The following GNG7 variants were observed in gnomAD, a reference collection of about 807,000 sequenced individuals.
GNG7 encodes G protein subunit gamma 7.
A neutral mutation model predicts 4.0 loss-of-function variants in GNG7; 1 was observed. That is an observed-to-expected ratio of 0.25 (90% CI 0.09 to 1.18). The LOEUF (loss-of-function observed/expected upper bound fraction) is 1.18. GNG7 is among the 50% of genes most tolerant of loss of function. The pLI is 0.50. For missense variants in GNG7, 86 were observed against 91.9 expected (o/e 0.94, Z 0.26); for synonymous variants, 34 against 36.9 (o/e 0.92, Z 0.29).
chr19:2,589,790 G>C lies in GNG7; in HGVS notation c.-77-34602C>G, dbSNP rs185516361. Among the ~76,000 whole-genome samples the C allele has an allele frequency of 1.3e-3, 193 of 152,200 alleles. 1 individual carries two copies. The highest frequency in any genetic ancestry group is 4.3e-3 in the African/African-American group (179 of 41,524). ...CTCAGTGAGAGAAGCCAGACAAAAG[G>C]CCACACAGTGTGTGATCCCATTGAC... On this transcript the variant is annotated intron_variant, in intron 2 of 4. Coordinates refer to ENST00000382159, the MANE Select transcript of GNG7 (RefSeq NM_052847.3).
At position 2,572,084 on chromosome 19, in the gene GNG7, T is replaced by C. The variant is rs371366371; in HGVS notation, c.-77-16896A>G. On this transcript the variant is annotated intron_variant, in intron 2 of 4. Transcript: ENST00000382159. The stretch of plus-strand genomic sequence containing the variant: ...TCCACCAGGCTGGAGTGCAGTGGTG[T>C]GATCATAGCTCACTGCAGCCTCCAC... Among the ~76,000 whole-genome samples, 55 of 152,128 alleles carry C rather than the reference T, an allele frequency of 3.6e-4. No individual in the cohort carries two copies. In the East Asian group the frequency reaches 6.6e-3, roughly 18 times the overall value.
intron 2 of GNG7, among the ~76,000 whole-genome samples, chr19:2,583,768 A>G (rs968233645): frequency 2.6e-5 from 4 of 152,192 alleles, no homozygotes; most frequent in Non-Finnish European, 5.9e-5. Flanking sequence ...CTGCACTCCT[A>G]TTTAATTTAG....
chr19:2,568,657 ATACAC>A (rs1397977248), intron 2 of GNG7, among the ~76,000 whole-genome samples: 19 of 109,170 alleles, frequency 1.7e-4, no homozygotes, highest in East Asian at 3.1e-4. Flanking sequence ...AAATACACAT[ATACAC>A]ATACACATAC....
At chr19:2,629,565 C>G (rs1014068924) in intron 2 of GNG7, among the ~76,000 whole-genome samples, 2 of 152,178 alleles carry the variant, frequency 1.3e-5, no homozygotes, top group African/African-American at 4.8e-5. Flanking sequence ...CAAAGCCCAC[C>G]AGAAGGGCTG....
chr19:2,557,058 T>G lies in GNG7; in HGVS notation c.-77-1870A>C, dbSNP rs1043513076. Among the ~76,000 whole-genome samples, 5 of 141,150 alleles carry G rather than the reference T, an allele frequency of 3.5e-5. No homozygotes were observed. The highest frequency in any genetic ancestry group is 1.3e-4 in the African/African-American group (5 of 38,772). The allele number at this position is 141,150 out of a possible 152,430, so 92.6% of individuals were successfully genotyped here. A position where few individuals can be genotyped will look rare whatever the true frequency, so the allele number is the denominator to read the frequency against. On this transcript the variant is annotated intron_variant, in intron 2 of 4. Transcript: ENST00000382159. This position sits in a 1 kb window ranked among gnomAD's most constrained non-coding sequence, Gnocchi z 5.1. Reference sequence around the variant, plus strand: ...AGACACACGCACACTCACACACATATGCACGCACACAGACACACGCACACA... The same window carrying G: ...AGACACACGCACACTCACACACATAGGCACGCACACAGACACACGCACACA...
In GNG7 at chr19:2,660,733, G is replaced by C. The variant is rs573777229; in HGVS notation, c.-134-14453C>G. ...TGGAGCCCAGGAGTTCAAGACTGTG[G>C]GGAGCCATGCTCATACCACTGCACT... On this transcript the variant is annotated intron_variant, in intron 1 of 4. Transcript: ENST00000382159. Among the ~76,000 whole-genome samples the C allele has an allele frequency of 1.6e-4, 24 of 152,330 alleles. No homozygotes were observed. In the South Asian group the frequency reaches 5.0e-3, roughly 32 times the overall value.
In GNG7 at chr19:2,514,950, CT is replaced by C. The variant is rs1972710051; in HGVS notation, c.*71del. 7.8e-7 allele frequency: 1 copy of C among 1,287,950 alleles called. No individual in the cohort carries two copies. Among genetic ancestry groups the C allele is most frequent in the Non-Finnish European group, 1.1e-6 (1 of 895,022 alleles). The allele number at this position is 1,287,950 out of a possible 1,614,324, so 79.8% of individuals were successfully genotyped here. A position where few individuals can be genotyped will look rare whatever the true frequency, so the allele number is the denominator to read the frequency against. ...AGCTAATTACTGAATGATGCCCTGCCTGAGACAGAGACAGAGACAGAGAGAG... is the reference window on the plus strand; with the variant it reads ...AGCTAATTACTGAATGATGCCCTGCCGAGACAGAGACAGAGACAGAGAGAG... On this transcript the variant is annotated 3_prime_UTR_variant, in exon 5 of 5. Coordinates refer to ENST00000382159, the MANE Select transcript of GNG7 (RefSeq NM_052847.3).
In GNG7 at chr19:2,553,808, T is replaced by TATATC. The variant is rs1979446387; in HGVS notation, c.-38+1336_-38+1340dup. 7.9e-4 allele frequency among the ~76,000 whole-genome samples: 5 copies of TATATC among 6,354 alleles called. No homozygotes were observed. In the African/African-American group the frequency reaches 9.7e-3, roughly 12 times the overall value. The allele number at this position is 6,354 out of a possible 152,430, so 4.2% of individuals were successfully genotyped here. On this transcript the variant is annotated intron_variant, in intron 3 of 4. Coordinates refer to ENST00000382159, the MANE Select transcript of GNG7 (RefSeq NM_052847.3). The stretch of plus-strand genomic sequence containing the variant: ...ACACACATGTACGTATCATGTGTAA[T>TATATC]ATATCACATACATGTACATATTATA...
rs184069965 is a variant in GNG7, at chr19:2,675,620, C to T, written c.-135+27026G>A. On this transcript the variant is annotated intron_variant, in intron 1 of 4. Transcript: ENST00000382159. ...AGGGACTGCTGGGGGAAATATTTCC[C>T]CAGGATCCTATAAGATACAAAGAAA... Among the ~76,000 whole-genome samples, 27 of 152,240 alleles carry T rather than the reference C, an allele frequency of 1.8e-4. No individual in the cohort carries two copies. In the East Asian group the frequency reaches 5.0e-3, roughly 28 times the overall value.
rs577419189 is a variant in GNG7, at chr19:2,536,349, C to T, written c.-37-15624G>A. ...AGGAGAATTGCTTGAACCTGGGAGG[C>T]GGCGGTTGCAGTGAGCCGAGATTGC... On this transcript the variant is annotated intron_variant, in intron 3 of 4. Transcript: ENST00000382159. Among the ~76,000 whole-genome samples the T allele has an allele frequency of 3.3e-3, 503 of 151,214 alleles. 4 individuals carry two copies. The highest frequency in any genetic ancestry group is 7.1e-3 in the Admixed American group (108 of 15,158).
intron 1 of GNG7, among the ~76,000 whole-genome samples, chr19:2,649,882 GC>G (rs1396491357): frequency 2.0e-5 from 3 of 151,548 alleles, no homozygotes; most frequent in African/African-American, 7.3e-5. Flanking sequence ...CCCAGCCCCG[GC>G]CCCCACGCAC....
At chr19:2,627,655 G>A (rs889640592) in intron 2 of GNG7, among the ~76,000 whole-genome samples, 5 of 152,234 alleles carry the variant, frequency 3.3e-5, no homozygotes, top group Admixed American at 6.5e-5. Context: ...TGATTCAGCC[G>A]GAATATTAGT....
At chr19:2,602,609 C>T (rs372157530) in intron 2 of GNG7, among the ~76,000 whole-genome samples, 1 of 152,274 alleles carries the variant, frequency 6.6e-6, no homozygotes, top group African/African-American at 2.4e-5. Flanking sequence ...AACCGGGCCC[C>T]GGAGCACGAA....
At position 2,693,127 on chromosome 19, in the gene GNG7, C is replaced by T. The variant is rs377262699; in HGVS notation, c.-135+9519G>A. On this transcript the variant is annotated intron_variant, in intron 1 of 4. Transcript: ENST00000382159. ...GCAACATAGTGAGACTCCATCTCTA[C>T]AAAAAATTAGCCGGATATGGTGACA... Among the ~76,000 whole-genome samples the T allele has an allele frequency of 2.9e-4, 44 of 151,144 alleles. No individual in the cohort carries two copies. The East Asian group carries it at 8.1e-3, about 28-fold the overall frequency.
At chr19:2,519,302 C>T (rs1271910501) in intron 4 of GNG7, among the ~76,000 whole-genome samples, 1 of 150,608 alleles carries the variant, frequency 6.6e-6, no homozygotes, top group Non-Finnish European at 1.5e-5. Context: ...AGGCATGCAC[C>T]ACCATACCCG....
intron 3 of GNG7, among the ~76,000 whole-genome samples, chr19:2,540,057 CCTTCCCT>C (rs1978906510): frequency 9.8e-6 from 1 of 102,260 alleles, no homozygotes; most frequent in African/African-American, 3.8e-5. Flanking sequence ...TCCCTCCCTT[CCTTCCCT>C]CCTCCCTCCC....
Position 2,609,723 on chromosome 19 carries a change from GC to G in GNG7, c.-78+36500del, listed in dbSNP as rs373711977. Among the ~76,000 whole-genome samples the G allele has an allele frequency of 2.1e-3, 322 of 152,208 alleles. No homozygotes were observed. Among genetic ancestry groups the G allele is most frequent in the African/African-American group, 7.5e-3 (312 of 41,524 alleles). On this transcript the variant is annotated intron_variant, in intron 2 of 4. Transcript: ENST00000382159. The surrounding 1 kb of genome is among the most constrained non-coding windows in gnomAD (Gnocchi z 4.4). ...CCAGTCTGTGGCTTGAGGTTACAGAGCCCCAGCAAACCATCACGCTGGGTTA... is the reference window on the plus strand; with the variant it reads ...CCAGTCTGTGGCTTGAGGTTACAGAGCCCAGCAAACCATCACGCTGGGTTA...
Position 2,614,284 on chromosome 19 carries a change from G to T in GNG7, c.-78+31940C>A, listed in dbSNP as rs12462133. Among the ~76,000 whole-genome samples, 2 of 152,204 alleles carry T rather than the reference G, an allele frequency of 1.3e-5. No individual in the cohort carries two copies. The highest frequency in any genetic ancestry group is 2.9e-5 in the Non-Finnish European group (2 of 68,036). ...CTGCCCTCTGTGTACCCGCAGGGGG[G>T]CCCTGCACGTCGGGTCTCAGGCACA... On this transcript the variant is annotated intron_variant, in intron 2 of 4. Coordinates refer to ENST00000382159, the MANE Select transcript of GNG7 (RefSeq NM_052847.3). The surrounding 1 kb of genome is among the most constrained non-coding windows in gnomAD (Gnocchi z 6.0).
At chr19:2,580,397 T>C (rs1002709099) in intron 2 of GNG7, among the ~76,000 whole-genome samples, 2 of 150,984 alleles carry the variant, frequency 1.3e-5, no homozygotes, top group African/African-American at 4.9e-5. Flanking sequence ...TTCAAGAGAT[T>C]CTCCTGCCTT....
Sources: allele counts gnomAD v4.1 joint callset (sites outside exome capture counted in the v4.1 genomes callset), GRCh38; gene constraint gnomAD v4.1.1; non-coding constraint Gnocchi (gnomAD v3.1); transcripts MANE v1.5; gene names NCBI Gene and HGNC (gene_info 2026-07-23, HGNC 2026-07-21).